Variants in SV2C observed in about 807,000 individuals in gnomAD.
The protein encoded by SV2C is synaptic vesicle glycoprotein 2C.
In SV2C, 49 loss-of-function variants were observed where a neutral mutation model predicts 79.7. The observed-to-expected ratio is 0.61, with a 90% CI of 0.49 to 0.78. The LOEUF is 0.78. SV2C is among the 30% of genes least tolerant of loss of function. The pLI is 0.00. For missense variants in SV2C, 833 were observed against 912.9 expected, an observed-to-expected ratio of 0.91 and a Z score of 1.13; for synonymous variants, 334 against 333.2, an observed-to-expected ratio of 1.00 and a Z score of -0.03.
At chr5:76,294,994 A>T (rs912631533) in intron 8 of SV2C, among the ~76,000 whole-genome samples, 1 of 152,152 alleles carries the variant, frequency 6.6e-6, no homozygotes, top group Admixed American at 6.5e-5. Flanking sequence ...CCGTGCTTGG[A>T]TCCCAGGAGT....
At chr5:76,322,411 T>G (rs551109047) in intron 12 of SV2C, among the ~76,000 whole-genome samples, 1 of 152,228 alleles carries the variant, frequency 6.6e-6, no homozygotes, top group African/African-American at 2.4e-5. Context: ...GGAAAAACAT[T>G]CCATATTCAT....
chr5:75,995,532 T>A, the SV2C span, among the ~76,000 whole-genome samples: 1 of 151,366 alleles, frequency 6.6e-6, no homozygotes, highest in Non-Finnish European at 1.5e-5. Flanking sequence ...CAATAGTCAG[T>A]TAGAAATGCT....
At position 76,340,799 on chromosome 5, in the gene SV2C, G is replaced by A. The variant is rs988310037; in HGVS notation, c.2001-12331G>A. Reference sequence around the variant, plus strand: ...ATTTTTTATTATTTTTCATAGAGACGAGGTCTTGGTATGTTGTCCAGGCTG... The same window carrying A: ...ATTTTTTATTATTTTTCATAGAGACAAGGTCTTGGTATGTTGTCCAGGCTG... On this transcript the variant is annotated intron_variant, in intron 12 of 12. Coordinates refer to the SV2C transcript ENST00000322285. 3.9e-5 allele frequency among the ~76,000 whole-genome samples: 6 copies of A among 152,028 alleles called. No homozygotes were observed. In the East Asian group the frequency reaches 1.2e-3, roughly 29 times the overall value.
At chr5:76,032,110 T>C in the SV2C span, among the ~76,000 whole-genome samples, 1 of 152,224 alleles carries the variant, frequency 6.6e-6, no homozygotes, top group African/African-American at 2.4e-5. Flanking sequence ...TAAGCACAGA[T>C]TATTAAGTGA....
the SV2C span, among the ~76,000 whole-genome samples, chr5:75,872,699 A>G: frequency 6.6e-6 from 1 of 152,162 alleles, no homozygotes. Context: ...CCTACTTTAT[A>G]ATTTATCATG....
At chr5:76,191,685 A>T (rs1744107799) in intron 2 of SV2C, among the ~76,000 whole-genome samples, 1 of 152,234 alleles carries the variant, frequency 6.6e-6, no homozygotes, top group African/African-American at 2.4e-5. Flanking sequence ...ACCAGCCTCC[A>T]TGTCAGAAAA....
At chr5:75,916,283 C>T in the SV2C span, among the ~76,000 whole-genome samples, 2 of 147,420 alleles carry the variant, frequency 1.4e-5, no homozygotes, top group Non-Finnish European at 3.0e-5. Flanking sequence ...CACCTTCCTC[C>T]TCCTCCTCCC....
intron 12 of SV2C, among the ~76,000 whole-genome samples, chr5:76,339,553 A>G (rs1749398844): frequency 6.6e-6 from 1 of 152,098 alleles, no homozygotes. Context: ...TCTCTACTAA[A>G]AATACAAAAA....
the SV2C span, among the ~76,000 whole-genome samples, chr5:75,960,765 C>G: frequency 7.2e-5 from 11 of 152,022 alleles, no homozygotes; most frequent in African/African-American, 2.6e-4. Flanking sequence ...ATGTTTGTTG[C>G]TTTGTTATTG....
chr5:76,165,073 G>A (rs1261328691), intron 2 of SV2C, among the ~76,000 whole-genome samples: 2 of 151,662 alleles, frequency 1.3e-5, no homozygotes, highest in Non-Finnish European at 2.9e-5. Flanking sequence ...TCTGCAGTTG[G>A]TTGAGTCCAC....
intron 1 of SV2C, among the ~76,000 whole-genome samples, chr5:76,120,234 C>G (rs1054642555): frequency 3.3e-5 from 5 of 150,942 alleles, no homozygotes; most frequent in Non-Finnish European, 7.4e-5. Context: ...ATCTCACAAA[C>G]GTGACTATAT....
intron 2 of SV2C, among the ~76,000 whole-genome samples, chr5:76,184,636 A>G (rs1221512399): frequency 2.0e-5 from 3 of 152,096 alleles, no homozygotes; most frequent in African/African-American, 7.2e-5. Context: ...CGAAGGGGGG[A>G]AGCCCCTTGT....
At chr5:76,340,408 C>A (rs1014361368) in intron 12 of SV2C, among the ~76,000 whole-genome samples, 12 of 152,158 alleles carry the variant, frequency 7.9e-5, no homozygotes, top group African/African-American at 2.7e-4. Flanking sequence ...TGTGTGAGGT[C>A]CAAGAACCCT....
chr5:76,281,994 A>G (rs67771044), intron 4 of SV2C, among the ~76,000 whole-genome samples: 17,924 of 152,248 alleles, frequency 0.12, 1,229 homozygotes, highest in African/African-American at 0.19. Context: ...ATATTCTACC[A>G]TAAGAAGCTT....
At chr5:75,897,881 G>A in the SV2C span, among the ~76,000 whole-genome samples, 8 of 152,012 alleles carry the variant, frequency 5.3e-5, no homozygotes, top group African/African-American at 1.7e-4. Context: ...TCTGTTATTG[G>A]TGTATAAGAA....
intron 4 of SV2C, among the ~76,000 whole-genome samples, chr5:76,264,409 A>G (rs2112462123): frequency 6.6e-6 from 1 of 151,976 alleles, no homozygotes; most frequent in South Asian, 2.1e-4. Context: ...GTTTGTTATT[A>G]CCCACCTTCT....
the SV2C span, among the ~76,000 whole-genome samples, chr5:75,878,774 A>G: frequency 1.3e-5 from 2 of 152,120 alleles, no homozygotes; most frequent in African/African-American, 4.8e-5. Flanking sequence ...CTGAGTTCCG[A>G]TCCTCACTTG....
At chr5:76,082,987 C>T (rs142635479), upstream of SV2C, among the ~76,000 whole-genome samples, 39 of 152,354 alleles carry the variant, frequency 2.6e-4, 1 homozygote, top group Non-Finnish European at 5.1e-4. Flanking sequence ...TGGACCTGAC[C>T]CGGGGCGCCG....
At chr5:75,933,218 A>G in the SV2C span, among the ~76,000 whole-genome samples, 2 of 152,176 alleles carry the variant, frequency 1.3e-5, no homozygotes, top group African/African-American at 4.8e-5. Flanking sequence ...GAGTATAAAT[A>G]AGAATCTTTC....
Sources: gnomAD v4.1 joint callset for allele counts (sites outside exome capture counted in the v4.1 genomes callset) on GRCh38, gnomAD v4.1.1 for gene constraint, MANE v1.5 for transcripts, NCBI Gene and HGNC (gene_info 2026-07-23, HGNC 2026-07-21) for gene names.